The following B3GAT2 variants were observed in gnomAD, a reference collection of about 807,000 sequenced individuals.
The protein encoded by B3GAT2 is beta-1,3-glucuronyltransferase 2.
A neutral mutation model predicts 27.8 loss-of-function variants in B3GAT2; 26 were observed. That is an observed-to-expected ratio of 0.93 (90% confidence interval 0.68 to 1.30). The LOEUF (loss-of-function observed/expected upper bound fraction) is 1.30, where lower values mean the gene tolerates loss of function less well. B3GAT2 is among the 50% of genes most tolerant of loss of function. B3GAT2 has a pLI of 0.00. For synonymous variants in B3GAT2, 218 were observed against 195.1 expected (o/e 1.12, Z -0.98); for missense variants, 458 against 459.0 (o/e 1.00, Z 0.02).
In B3GAT2 at chr6:70,945,996, A is replaced by G. The variant is rs569489461; in HGVS notation, c.591+9843T>C. On this transcript the variant is annotated intron_variant, in intron 1 of 3. Coordinates refer to ENST00000230053, the MANE Select transcript of B3GAT2 (RefSeq NM_080742.3). ...TAAGCTTCATAAGTGAAGGAGAAAT[A>G]AAATACTTTACAGACAAGCAAATGC... 2.2e-4 allele frequency among the ~76,000 whole-genome samples: 33 copies of G among 152,114 alleles called. 1 individual carries two copies. In the South Asian group the frequency reaches 4.2e-3, roughly 19 times the overall value.
At chr6:70,943,523 G>A (rs75096497) in intron 1 of B3GAT2, among the ~76,000 whole-genome samples, 107 of 152,194 alleles carry the variant, frequency 7.0e-4, no homozygotes, top group African/African-American at 2.2e-3. Context: ...TTATTCTTCC[G>A]TTCAGTTCTG....
At chr6:70,883,568 A>C (rs1427294364) in intron 2 of B3GAT2, among the ~76,000 whole-genome samples, 1 of 151,774 alleles carries the variant, frequency 6.6e-6, no homozygotes. Flanking sequence ...GGCTGAGGGG[A>C]GGGGCAAGTC....
intron 2 of B3GAT2, among the ~76,000 whole-genome samples, chr6:70,870,728 T>C (rs186682601): frequency 1.3e-5 from 2 of 152,268 alleles, no homozygotes; most frequent in African/African-American, 4.8e-5. Flanking sequence ...TGGAGATAGT[T>C]TTACTAATGC....
At chr6:70,903,194 T>C (rs985402974) in intron 1 of B3GAT2, among the ~76,000 whole-genome samples, 1 of 151,838 alleles carries the variant, frequency 6.6e-6, no homozygotes, top group African/African-American at 2.4e-5. Context: ...ACAAAATTCA[T>C]AAAAATTAAA....
At chr6:70,881,956 C>T (rs938351463) in intron 2 of B3GAT2, among the ~76,000 whole-genome samples, 1 of 152,124 alleles carries the variant, frequency 6.6e-6, no homozygotes, top group Admixed American at 6.5e-5. Flanking sequence ...CTTTCTAATC[C>T]TGATCTTTTT....
intron 2 of B3GAT2, among the ~76,000 whole-genome samples, chr6:70,893,003 T>G (rs192219930): frequency 9.4e-4 from 143 of 152,248 alleles, no homozygotes; most frequent in African/African-American, 3.3e-3. Flanking sequence ...GTCAGGGGCC[T>G]GAGACATGGC....
At chr6:70,954,912 CGGCGGG>C (rs2150054553) in intron 1 of B3GAT2, among the ~76,000 whole-genome samples, 1 of 96,806 alleles carries the variant, frequency 1.0e-5, no homozygotes, top group African/African-American at 3.4e-5. Context: ...CTGCCGGGGG[CGGCGGG>C]GGGGGGCGGT....
At chr6:70,863,704 C>T (rs1771803616) in intron 2 of B3GAT2, among the ~76,000 whole-genome samples, 1 of 152,184 alleles carries the variant, frequency 6.6e-6, no homozygotes, top group Non-Finnish European at 1.5e-5. Flanking sequence ...AAAGACTCCA[C>T]TGACTGCAAA....
chr6:70,863,269 A>T (rs978512843), intron 2 of B3GAT2, among the ~76,000 whole-genome samples: 1 of 152,212 alleles, frequency 6.6e-6, no homozygotes, highest in Non-Finnish European at 1.5e-5. Flanking sequence ...ATACTAAATG[A>T]TACCAGGTGG....
intron 1 of B3GAT2, among the ~76,000 whole-genome samples, chr6:70,912,476 G>A (rs1490366149): frequency 6.6e-6 from 1 of 152,140 alleles, no homozygotes; most frequent in East Asian, 1.9e-4. Context: ...CAAGTATAAA[G>A]CCTACTTGGA....
At chr6:70,883,595 T>A in intron 2 of B3GAT2, among the ~76,000 whole-genome samples, 1 of 152,120 alleles carries the variant, frequency 6.6e-6, no homozygotes, top group East Asian at 1.9e-4. Context: ...TATTGTTTAG[T>A]GAGCATAGAA....
At chr6:70,950,265 A>T (rs1294583384) in intron 1 of B3GAT2, among the ~76,000 whole-genome samples, 2 of 148,052 alleles carry the variant, frequency 1.4e-5, no homozygotes, top group African/African-American at 5.0e-5. Flanking sequence ...GAACAAAGAA[A>T]GCTAATAAAG....
chr6:70,950,892 A>G lies in B3GAT2; in HGVS notation c.591+4947T>C, dbSNP rs551531482. On this transcript the variant is annotated intron_variant, in intron 1 of 3. Coordinates refer to ENST00000230053, the MANE Select transcript of B3GAT2 (RefSeq NM_080742.3). ...TATATTTTGCTTGTATCCATGATAT[A>G]GGGTATTAACATTTATTTAAAATTG... is the stretch of plus-strand genomic sequence containing the variant. Among the ~76,000 whole-genome samples, 425 of 152,310 alleles carry G rather than the reference A, an allele frequency of 2.8e-3. 3 individuals carry two copies. The highest frequency in any genetic ancestry group is 9.6e-3 in the African/African-American group (401 of 41,572).
In B3GAT2 at chr6:70,955,991, G is replaced by T; in HGVS notation, c.439C>A (p.Arg147Ser). 6.9e-7 allele frequency: 1 copy of T among 1,456,138 alleles called. No homozygotes were observed. The highest frequency in any genetic ancestry group is 1.9e-4 in the Middle Eastern group (1 of 5,242). The allele number at this position is 1,456,138 out of a possible 1,614,324, so 90.2% of individuals were successfully genotyped here. The change falls in exon 1 of 4, where the codon CGC (arginine) becomes AGC (serine). Residue 147 changes from arginine (R) to serine (S), a missense_variant. Physicochemically the swap from Arg to Ser is moderately radical, Grantham distance 110. Coordinates refer to ENST00000230053, the MANE Select transcript of B3GAT2 (RefSeq NM_080742.3). ...STHLHVPTPR[R>S]YKRPGLPRAT... Reference sequence around the variant, plus strand: ...CGCGGCAGCCCGGGCCGCTTGTAGCGCCGCGGCGTGGGCACGTGCAGGTGA... The same window carrying T: ...CGCGGCAGCCCGGGCCGCTTGTAGCTCCGCGGCGTGGGCACGTGCAGGTGA...
At position 70,955,980 on chromosome 6, in the gene B3GAT2, C is replaced by A. The variant is rs759666660; in HGVS notation, c.450G>T (p.Arg150=). Residue 150 remains arginine, a synonymous_variant, in exon 1 of 4, where the codon CGG becomes CGT. Transcript: ENST00000230053. ...GCTCAGTGGCGCGCGGCAGCCCGGG[C>A]CGCTTGTAGCGCCGCGGCGTGGGCA... ...LHVPTPRRYK[R]PGLPRATEQR... 1 of 1,462,310 alleles carries A rather than the reference C, an allele frequency of 6.8e-7. No individual in the cohort carries two copies. The highest frequency in any genetic ancestry group is 9.0e-7 in the Non-Finnish European group (1 of 1,115,724). 90.6% of individuals were successfully genotyped at this position (1,462,310 alleles called of 1,614,324 possible).
intron 1 of B3GAT2, among the ~76,000 whole-genome samples, chr6:70,918,581 G>C (rs1395675755): frequency 6.6e-6 from 1 of 152,184 alleles, no homozygotes; most frequent in Non-Finnish European, 1.5e-5. Context: ...CTTTTGTAAG[G>C]CAGGCCTGGT....
chr6:70,909,444 A>G (rs567821346), intron 1 of B3GAT2, among the ~76,000 whole-genome samples: 1 of 152,338 alleles, frequency 6.6e-6, no homozygotes, highest in African/African-American at 2.4e-5. Flanking sequence ...TGATTACCAG[A>G]GATAATAAGG....
At chr6:70,940,418 G>A (rs1404147149) in intron 1 of B3GAT2, among the ~76,000 whole-genome samples, 5 of 152,036 alleles carry the variant, frequency 3.3e-5, no homozygotes, top group Non-Finnish European at 7.4e-5. Context: ...TCCAACAGGT[G>A]CTGGTCAGAA....
intron 1 of B3GAT2, among the ~76,000 whole-genome samples, chr6:70,942,841 A>T (rs1047037434): frequency 6.6e-6 from 1 of 152,200 alleles, no homozygotes; most frequent in Admixed American, 6.5e-5. Flanking sequence ...AGAGTAATAC[A>T]GTAGTACTGC....
Sources: gnomAD v4.1 joint callset for allele counts (sites outside exome capture counted in the v4.1 genomes callset) on GRCh38, gnomAD v4.1.1 for gene constraint, MANE v1.5 for transcripts, NCBI Gene and HGNC (gene_info 2026-07-23, HGNC 2026-07-21) for gene names.